NDUFV3: variants seen among roughly 807,000 people sequenced by gnomAD.
NDUFV3 encodes the protein NADH dehydrogenase [ubiquinone] flavoprotein 3, mitochondrial.
In NDUFV3, 44 loss-of-function variants were observed where a neutral mutation model predicts 37.5. That is an observed-to-expected ratio of 1.17 (90% CI 0.92 to 1.51). The LOEUF (loss-of-function observed/expected upper bound fraction) is 1.51, where lower values mean the gene tolerates loss of function less well. NDUFV3 is among the 40% of genes most tolerant of loss of function. The probability of loss-of-function intolerance (pLI) is 0.00; values close to 1 mark genes in which losing one functional copy is unlikely to be tolerated. For missense variants in NDUFV3, 580 were observed against 580.4 expected, an observed-to-expected ratio of 1.00 and a Z score of 0.01; for synonymous variants, 235 against 239.3, an observed-to-expected ratio of 0.98 and a Z score of 0.17.
In NDUFV3 at chr21:42,903,474, A is replaced by G; in HGVS notation, c.462A>G (p.Ser154=). ...VGRKVTSPSS[S]SSSSSSDSES... ...GGAAAGTGACGTCGCCTTCGTCTTC[A>G]TCCTCTTCCAGCTCCTCTGATTCTG... Residue 154 remains serine (S), a synonymous_variant, in exon 3 of 4, where the codon TCA becomes TCG. Coordinates refer to ENST00000354250, the MANE Select transcript of NDUFV3 (RefSeq NM_021075.4). 6.2e-7 allele frequency: 1 copy of G among 1,614,094 alleles called. No homozygotes were observed. Among genetic ancestry groups the G allele is most frequent in the Admixed American group, 1.7e-5 (1 of 60,008 alleles).
chr21:42,902,967 A>G (rs2146158217), intron 2 of NDUFV3, among the ~76,000 whole-genome samples: 1 of 152,350 alleles, frequency 6.6e-6, no homozygotes, highest in Middle Eastern at 3.4e-3. Flanking sequence ...AATGTCAAGG[A>G]AAAAAGTTTG....
chr21:42,899,350 ACC>A (rs932587685), intron 2 of NDUFV3, among the ~76,000 whole-genome samples: 11 of 81,486 alleles, frequency 1.3e-4, no homozygotes, highest in Non-Finnish European at 2.1e-4. Context: ...GCTCACCACA[ACC>A]TCTCCGCCTC....
chr21:42,893,520 T>C, intron 1 of NDUFV3, 139 bp downstream of exon 1: 2 of 1,008,820 alleles, frequency 2.0e-6, no homozygotes, highest in South Asian at 2.9e-5. Context: ...CCCCGCTCCC[T>C]GGGCCCAGGA....
chr21:42,909,129 CT>C lies in NDUFV3; in HGVS notation c.*112del. 1 of 712,070 alleles carries C rather than the reference CT, an allele frequency of 1.4e-6. No individual in the cohort carries two copies. Among genetic ancestry groups the C allele is most frequent in the Non-Finnish European group, 2.3e-6 (1 of 443,798 alleles). 44.1% of individuals were successfully genotyped at this position (712,070 alleles called of 1,614,324 possible). Reference sequence around the variant, plus strand: ...GGCCCGCTGTGCATAATCGGTTTCACTTTTACCTTTTTTTTTTTTTTTTTTT... The same window carrying C: ...GGCCCGCTGTGCATAATCGGTTTCACTTTACCTTTTTTTTTTTTTTTTTTT... On this transcript the variant is annotated 3_prime_UTR_variant, in exon 4 of 4. Coordinates refer to ENST00000354250, the MANE Select transcript of NDUFV3 (RefSeq NM_021075.4).
At position 42,909,037 on chromosome 21, in the gene NDUFV3, A is replaced by G. The variant is rs377173440; in HGVS notation, c.*16A>G. The G allele has an allele frequency of 1.9e-5, 31 of 1,612,276 alleles. No individual in the cohort carries two copies. In the African/African-American group the frequency reaches 3.5e-4, roughly 18 times the overall value. On this transcript the variant is annotated 3_prime_UTR_variant, in exon 4 of 4. Transcript: ENST00000354250. The stretch of plus-strand genomic sequence containing the variant: ...TCGACACTGAGGGCCCTCGGTGTGA[A>G]GATGAACCTTCCACCGTCTTCACTG...
chr21:42,904,773 A>ACCGTGCCCGGC (rs2058734414), intron 3 of NDUFV3, among the ~76,000 whole-genome samples: 1 of 149,670 alleles, frequency 6.7e-6, no homozygotes. Context: ...GGCATGAGCA[A>ACCGTGCCCGGC]CCCCACCCTG....
chr21:42,910,189 C>CA lies in NDUFV3; in HGVS notation c.*1168_*1169insA, dbSNP rs1487308159. 6.6e-6 allele frequency: 1 copy of CA among 151,934 alleles called. No individual in the cohort carries two copies. The highest frequency in any genetic ancestry group is 1.5e-5 in the Non-Finnish European group (1 of 67,998). 9.4% of individuals were successfully genotyped at this position (151,934 alleles called of 1,614,324 possible). On this transcript the variant is annotated 3_prime_UTR_variant, in exon 4 of 4. Coordinates refer to ENST00000354250, the MANE Select transcript of NDUFV3 (RefSeq NM_021075.4). The stretch of plus-strand genomic sequence containing the variant: ...AAAATACAAAAATCAGCCAGGCATG[C>CA]TAGTGGGTACCTGTAATCCCAGCTA...
intron 3 of NDUFV3, among the ~76,000 whole-genome samples, chr21:42,904,796 CTTT>C (rs58460040): frequency 1.4e-5 from 2 of 141,862 alleles, no homozygotes; most frequent in Non-Finnish European, 3.1e-5. Context: ...TAACCTTCAT[CTTT>C]TTTTTTTTTT....
In NDUFV3 at chr21:42,904,082, C is replaced by T. The variant is rs767417344; in HGVS notation, c.1070C>T (p.Thr357Met). 4.3e-5 allele frequency: 69 copies of T among 1,614,054 alleles called. No individual in the cohort carries two copies. Among genetic ancestry groups the T allele is most frequent in the African/African-American group, 1.9e-4 (14 of 74,916 alleles). ...PPLPRKETSG[T>M]QGIEGHLKGG... ...CTGCCCAGAAAGGAAACCTCAGGGA[C>T]GCAGGGAATAGAAGGCCACCTGAAG... The change falls in exon 3 of 4, where the codon ACG becomes ATG. Residue 357 changes from threonine (T) to methionine (M), a missense_variant. By Grantham distance (81) the Thr-to-Met change is moderately conservative. Coordinates refer to ENST00000354250, the MANE Select transcript of NDUFV3 (RefSeq NM_021075.4).
At chr21:42,903,154 T>C (rs1331171498) in intron 2 of NDUFV3, 28 bp from the exon 3 acceptor site, 3 of 1,614,014 alleles carry the variant, frequency 1.9e-6, no homozygotes, top group Non-Finnish European at 2.5e-6. Context: ...TTTTGTTAAA[T>C]AACATTCCTC....
chr21:42,911,408 A>T lies in NDUFV3; in HGVS notation c.*2387A>T, dbSNP rs1049542034. On this transcript the variant is annotated 3_prime_UTR_variant, in exon 4 of 4. Coordinates refer to ENST00000354250, the MANE Select transcript of NDUFV3 (RefSeq NM_021075.4). ...TACATTACCAAAAAGAAAATAGTAA[A>T]CTTACCTAAAATCCACTATGCTAAC... 6.7e-6 allele frequency: 1 copy of T among 150,138 alleles called. No individual in the cohort carries two copies. Among genetic ancestry groups the T allele is most frequent in the Non-Finnish European group, 1.5e-5 (1 of 67,662 alleles). 9.3% of individuals were successfully genotyped at this position (150,138 alleles called of 1,614,324 possible).
At position 42,903,449 on chromosome 21, in the gene NDUFV3, G is replaced by A. The variant is rs775220702; in HGVS notation, c.437G>A (p.Arg146Gln). Residue 146 changes from arginine (R) to glutamine (Q), a missense_variant, in exon 3 of 4, where the codon CGG becomes CAG. Coordinates refer to ENST00000354250, the MANE Select transcript of NDUFV3 (RefSeq NM_021075.4). ...GSDSEARQVG[R>Q]KVTSPSSSSS... is the part of the protein sequence containing the mutation. ...GATTCAGAAGCTCGTCAGGTGGGTCGGAAAGTGACGTCGCCTTCGTCTTCA... is the reference window on the plus strand; with the variant it reads ...GATTCAGAAGCTCGTCAGGTGGGTCAGAAAGTGACGTCGCCTTCGTCTTCA... 71 of 1,613,928 alleles carry A rather than the reference G, an allele frequency of 4.4e-5. No homozygotes were observed. Among genetic ancestry groups the A allele is most frequent in the Non-Finnish European group, 3.6e-5 (42 of 1,179,940 alleles).
At chr21:42,898,708 C>T in intron 2 of NDUFV3, among the ~76,000 whole-genome samples, 1 of 152,150 alleles carries the variant, frequency 6.6e-6, no homozygotes, top group East Asian at 1.9e-4. Flanking sequence ...TGGGCTCAAG[C>T]AATCTCCCTG....
chr21:42,894,561 A>AT (rs5844144), intron 1 of NDUFV3, among the ~76,000 whole-genome samples: 7,179 of 62,306 alleles, frequency 0.12, 279 homozygotes, highest in African/African-American at 0.17. Context: ...ATATATATAT[A>AT]TTTTTTTTTG....
At chr21:42,894,355 A>ATATAATATATAATG (rs1568853808) in intron 1 of NDUFV3, among the ~76,000 whole-genome samples, 47 of 41,028 alleles carry the variant, frequency 1.1e-3, no homozygotes, top group Non-Finnish European at 1.6e-3. Flanking sequence ...ATATATAAAT[A>ATATAATATATAATG]TATATTATAT....
rs2058742198 is a variant in NDUFV3 at position 42,906,426 on chromosome 21, C to CCT, written c.1264+2154_1264+2155dup. On this transcript the variant is annotated intron_variant, in intron 3 of 3. Transcript: ENST00000354250. ...GCGACAGGATCTATGTGTTTTCCCC[C>CCT]CTCTCCGTCTGCTCTTTGATCAGTA... Among the ~76,000 whole-genome samples the CCT allele has an allele frequency of 4.6e-5, 7 of 152,280 alleles. No homozygotes were observed. In the South Asian group the frequency reaches 1.4e-3, roughly 32 times the overall value.
At chr21:42,901,442 CA>C (rs997168590) in intron 2 of NDUFV3, among the ~76,000 whole-genome samples, 2 of 149,974 alleles carry the variant, frequency 1.3e-5, no homozygotes, top group Admixed American at 6.7e-5. Context: ...AACTCCATCT[CA>C]AAAAAAAATT....
intron 2 of NDUFV3, 26 bp downstream of exon 2, chr21:42,897,073 G>A (rs768290280): frequency 1.2e-6 from 2 of 1,612,322 alleles, no homozygotes; most frequent in African/African-American, 1.3e-5. Context: ...TAGTCATAAG[G>A]GAAAGAGAAT....
At chr21:42,904,764 G>T (rs2058734314) in intron 3 of NDUFV3, among the ~76,000 whole-genome samples, 1 of 151,476 alleles carries the variant, frequency 6.6e-6, no homozygotes, top group Admixed American at 6.6e-5. Context: ...GGGATTACAG[G>T]CATGAGCAAC....
Sources: gnomAD v4.1 joint callset for allele counts (sites outside exome capture counted in the v4.1 genomes callset) on GRCh38, gnomAD v4.1.1 for gene constraint, MANE v1.5 for transcripts, NCBI Gene and HGNC (gene_info 2026-07-23, HGNC 2026-07-21) for gene names.